Variants in HDX observed in about 807,000 individuals in gnomAD.
HDX encodes the protein chromosome X open reading frame 43.
HDX carries 19 observed loss-of-function variants against 45.2 expected under a neutral mutation model. The observed-to-expected ratio is 0.42, with a 90% confidence interval of 0.29 to 0.62. HDX has a LOEUF of 0.62. Among genes scored for constraint, HDX ranks in the 20% least tolerant of loss-of-function variants. The pLI is 0.20. For missense variants in HDX, 532 were observed against 493.9 expected, an observed-to-expected ratio of 1.08 and a Z score of -0.73; for synonymous variants, 188 against 172.8, an observed-to-expected ratio of 1.09 and a Z score of -0.69.
intron 5 of HDX, among the ~76,000 whole-genome samples, chrX:84,427,373 G>T (rs1404326815): frequency 9.0e-6 from 1 of 110,967 alleles, no homozygotes; most frequent in African/African-American, 3.3e-5. Context: ...TTTGATATCT[G>T]TATGCACTAA....
intron 2 of HDX, among the ~76,000 whole-genome samples, chrX:84,483,109 CG>C (rs2040722693): frequency 9.1e-6 from 1 of 109,959 alleles, no homozygotes; most frequent in Admixed American, 9.6e-5. Flanking sequence ...CAGGGTACAG[CG>C]CCCCCCTCAG....
At chrX:84,397,562 T>C (rs1042467970) in intron 5 of HDX, among the ~76,000 whole-genome samples, 7 of 110,702 alleles carry the variant, frequency 6.3e-5, no homozygotes, top group African/African-American at 2.3e-4. Flanking sequence ...CATTTGGGAG[T>C]CTCACCAGTC....
chrX:84,371,702 T>C (rs1168348217), intron 5 of HDX, among the ~76,000 whole-genome samples: 2 of 112,262 alleles, frequency 1.8e-5, no homozygotes, highest in East Asian at 2.8e-4. Flanking sequence ...GCCTTGCTGG[T>C]ATCATCATAT....
At chrX:84,322,113 G>A in intron 10 of HDX, 99 bp from the exon 11 acceptor site, 1 of 491,636 alleles carries the variant, frequency 2.0e-6, no homozygotes, top group Non-Finnish European at 3.1e-6. Flanking sequence ...TTATCCTTAT[G>A]GATTTAAAGA....
chrX:84,415,457 C>T (rs1339138539), intron 5 of HDX, among the ~76,000 whole-genome samples: 1 of 111,716 alleles, frequency 9.0e-6, no homozygotes, highest in Non-Finnish European at 1.9e-5. Context: ...GAACCAGCCT[C>T]CTTGTGCTCC....
intron 5 of HDX, among the ~76,000 whole-genome samples, chrX:84,415,283 T>C (rs2039078281): frequency 8.9e-6 from 1 of 112,219 alleles, no homozygotes. Flanking sequence ...ATCCTGCCAA[T>C]AGTGCACACC....
chrX:84,443,729 ATTAT>A (rs1225596924), intron 4 of HDX, among the ~76,000 whole-genome samples: 1 of 112,175 alleles, frequency 8.9e-6, no homozygotes. Flanking sequence ...TCAAATGAGA[ATTAT>A]TTGTCACTAC....
intron 5 of HDX, among the ~76,000 whole-genome samples, chrX:84,397,316 C>T (rs1033905453): frequency 2.7e-5 from 3 of 111,708 alleles, no homozygotes; most frequent in Non-Finnish European, 3.8e-5. Flanking sequence ...CATATCTAGT[C>T]TTGGGATCTG....
At chrX:84,448,580 A>G (rs1468848340) in intron 4 of HDX, among the ~76,000 whole-genome samples, 1 of 110,887 alleles carries the variant, frequency 9.0e-6, no homozygotes, top group Non-Finnish European at 1.9e-5. Flanking sequence ...ATGCTAATGG[A>G]CACACCGAGA....
At chrX:84,418,683 T>C (rs1014660932) in intron 5 of HDX, among the ~76,000 whole-genome samples, 10 of 111,027 alleles carry the variant, frequency 9.0e-5, no homozygotes, top group African/African-American at 3.3e-4. Flanking sequence ...TGAAAGGTAG[T>C]CTAGGTCATA....
chrX:84,428,861 C>T (rs777010893), intron 5 of HDX, among the ~76,000 whole-genome samples: 14 of 110,364 alleles, frequency 1.3e-4, no homozygotes, highest in Non-Finnish European at 2.5e-4. Context: ...ATGATTATGT[C>T]TACGATCCAT....
intron 9 of HDX, among the ~76,000 whole-genome samples, chrX:84,328,202 A>AAAT (rs1555977997): frequency 1.9e-5 from 2 of 107,263 alleles, no homozygotes; most frequent in Admixed American, 1.0e-4. Flanking sequence ...CTACCAAAAA[A>AAAT]ATATATATAT....
intron 4 of HDX, among the ~76,000 whole-genome samples, chrX:84,447,415 A>G (rs147534134): frequency 1.3e-3 from 141 of 111,689 alleles, no homozygotes; most frequent in African/African-American, 4.5e-3. Flanking sequence ...AGGTTCCCCA[A>G]TACAAGTAAA....
At chrX:84,348,635 C>G (rs147589064) in intron 6 of HDX, among the ~76,000 whole-genome samples, 2 of 111,552 alleles carry the variant, frequency 1.8e-5, no homozygotes, top group Non-Finnish European at 3.8e-5. Context: ...ATGTAGTGTT[C>G]AGGTTAGGAG....
At chrX:84,422,904 A>G (rs1005631274) in intron 5 of HDX, among the ~76,000 whole-genome samples, 97 of 109,488 alleles carry the variant, frequency 8.9e-4, no homozygotes, top group African/African-American at 3.1e-3. Flanking sequence ...TCCTGACCTC[A>G]TGATCCGCCC....
At chrX:84,471,044 A>G (rs1227808558) in intron 3 of HDX, among the ~76,000 whole-genome samples, 1 of 111,997 alleles carries the variant, frequency 8.9e-6, no homozygotes, top group Admixed American at 9.5e-5. Flanking sequence ...AAAACATTAA[A>G]TGAACTAGCC....
chrX:84,318,262 T>C lies in HDX; in HGVS notation c.*3627A>G, dbSNP rs1020640592. On this transcript the variant is annotated 3_prime_UTR_variant, in exon 11 of 11. Transcript: ENST00000373177. The stretch of plus-strand genomic sequence containing the variant: ...GAGCATAGCTTGGTGAAGAGCATGA[T>C]ACAGTGCTGTCTGCCAAGGAAAATA... 2 of 110,463 alleles carry C rather than the reference T, an allele frequency of 1.8e-5. No individual in the cohort carries two copies. The highest frequency in any genetic ancestry group is 6.5e-5 in the African/African-American group (2 of 30,559). 9.1% of individuals were successfully genotyped at this position (110,463 alleles called of 1,213,427 possible). A position where few individuals can be genotyped will look rare whatever the true frequency, so the allele number is the denominator to read the frequency against.
chrX:84,469,761 A>G (rs1384878494), intron 3 of HDX, among the ~76,000 whole-genome samples, 186 bp from the exon 4 acceptor site: 1 of 112,080 alleles, frequency 8.9e-6, no homozygotes, highest in Non-Finnish European at 1.9e-5. Context: ...AGGGACTCAC[A>G]CTTAATAAAT....
At chrX:84,384,123 A>G (rs1477088164) in intron 5 of HDX, among the ~76,000 whole-genome samples, 2 of 111,706 alleles carry the variant, frequency 1.8e-5, no homozygotes, top group Non-Finnish European at 3.8e-5. Flanking sequence ...AGAACTCTCC[A>G]AAGGGCTTTC....
Sources: gnomAD v4.1 joint callset for allele counts (sites outside exome capture counted in the v4.1 genomes callset) on GRCh38, gnomAD v4.1.1 for gene constraint, MANE v1.5 for transcripts, NCBI Gene and HGNC (gene_info 2026-07-23, HGNC 2026-07-21) for gene names.